Variants in ZNRF3 observed in about 807,000 individuals in gnomAD.
ZNRF3 encodes zinc and ring finger 3.
ZNRF3 carries 23 observed loss-of-function variants against 72.5 expected under a neutral mutation model. That is an observed-to-expected ratio of 0.32 (90% CI 0.23 to 0.45). The LOEUF (loss-of-function observed/expected upper bound fraction) is 0.45. ZNRF3 is among the 20% of genes least tolerant of loss of function. ZNRF3 has a pLI of 1.00. For missense variants in ZNRF3, 1,169 were observed against 1,272.1 expected (o/e 0.92, Z 1.23); for synonymous variants, 610 against 545.3 (o/e 1.12, Z -1.65).
intron 2 of ZNRF3, among the ~76,000 whole-genome samples, chr22:29,033,244 G>A (rs1001158300): frequency 3.9e-5 from 6 of 151,940 alleles, no homozygotes; most frequent in South Asian, 4.1e-4. Context: ...CCAACTACTC[G>A]GGAGGCTAAG....
intron 1 of ZNRF3, among the ~76,000 whole-genome samples, chr22:28,945,097 C>A (rs1254976448): frequency 6.7e-6 from 1 of 149,292 alleles, no homozygotes; most frequent in East Asian, 2.0e-4. Flanking sequence ...GTGGGTGGAT[C>A]ACTTGAGCTC....
chr22:29,010,936 T>C (rs2036337257), intron 2 of ZNRF3, among the ~76,000 whole-genome samples: 1 of 152,244 alleles, frequency 6.6e-6, no homozygotes, highest in South Asian at 2.1e-4. Flanking sequence ...CCCAGAGTGC[T>C]GGGATTACAG....
At chr22:28,995,529 G>A (rs78050747) in intron 2 of ZNRF3, among the ~76,000 whole-genome samples, 2,863 of 152,242 alleles carry the variant, frequency 0.019, 89 homozygotes, top group African/African-American at 0.065. Context: ...GTACTTAAAG[G>A]AAAAAGAACT....
At chr22:28,910,330 C>T (rs928623913) in intron 1 of ZNRF3, among the ~76,000 whole-genome samples, 3 of 152,188 alleles carry the variant, frequency 2.0e-5, no homozygotes, top group Non-Finnish European at 2.9e-5. Context: ...CATGAGCCAC[C>T]ATGCCCAGCC....
At chr22:28,923,681 C>G (rs987775154) in intron 1 of ZNRF3, among the ~76,000 whole-genome samples, 5 of 152,122 alleles carry the variant, frequency 3.3e-5, no homozygotes, top group African/African-American at 1.2e-4. Flanking sequence ...TGAAGCAAAG[C>G]CAGCCATATC....
At chr22:29,016,094 G>T (rs541873455) in intron 2 of ZNRF3, among the ~76,000 whole-genome samples, 2 of 151,474 alleles carry the variant, frequency 1.3e-5, no homozygotes, top group South Asian at 2.1e-4. Context: ...GAATAATGTT[G>T]CAAGAGATTA....
In ZNRF3 at chr22:29,003,513, C is replaced by CAA. The variant is rs796336147; in HGVS notation, c.426+16326_426+16327dup. Among the ~76,000 whole-genome samples, 86 of 103,220 alleles carry CAA rather than the reference C, an allele frequency of 8.3e-4. 1 individual carries two copies. The highest frequency in any genetic ancestry group is 2.0e-3 in the African/African-American group (58 of 29,194). The allele number at this position is 103,220 out of a possible 152,430, so 67.7% of individuals were successfully genotyped here. Reference sequence around the variant, plus strand: ...TGGGTGACAGAGCAAGACTCCGACTCAAAAAAAAAAAAAAAGAATCCATTT... The same window carrying CAA: ...TGGGTGACAGAGCAAGACTCCGACTCAAAAAAAAAAAAAAAAAGAATCCATTT... On this transcript the variant is annotated intron_variant, in intron 2 of 8. Transcript: ENST00000544604.
At chr22:28,938,070 A>G (rs933809332) in intron 1 of ZNRF3, among the ~76,000 whole-genome samples, 13 of 152,128 alleles carry the variant, frequency 8.5e-5, no homozygotes, top group African/African-American at 3.1e-4. Context: ...AAATACATGA[A>G]TGTATTTTCA....
intron 1 of ZNRF3, among the ~76,000 whole-genome samples, chr22:28,964,927 T>C (rs2035431815): frequency 1.3e-5 from 2 of 152,212 alleles, no homozygotes; most frequent in South Asian, 4.1e-4. Flanking sequence ...CAAAAGTGGC[T>C]TGTGATACCT....
intron 1 of ZNRF3, among the ~76,000 whole-genome samples, chr22:28,980,687 A>G (rs2035749478): frequency 6.6e-6 from 1 of 152,220 alleles, no homozygotes; most frequent in African/African-American, 2.4e-5. Context: ...ATTTTCTGTT[A>G]TATCCTTGCA....
At chr22:28,897,362 C>A (rs1028891325) in intron 1 of ZNRF3, among the ~76,000 whole-genome samples, 2 of 152,148 alleles carry the variant, frequency 1.3e-5, no homozygotes, top group African/African-American at 2.4e-5. Flanking sequence ...TGTCACCCAC[C>A]CAGGCTGGAG....
At chr22:28,970,680 A>C (rs895954258) in intron 1 of ZNRF3, among the ~76,000 whole-genome samples, 4 of 152,242 alleles carry the variant, frequency 2.6e-5, no homozygotes, top group African/African-American at 4.8e-5. Flanking sequence ...AATAAGCAGC[A>C]AAACACTGAC....
rs539380669 is a variant in ZNRF3, at chr22:28,897,775, A to G, written c.300+13709A>G. 7.2e-5 allele frequency among the ~76,000 whole-genome samples: 11 copies of G among 152,144 alleles called. No individual in the cohort carries two copies. In the South Asian group the frequency reaches 2.1e-3, roughly 29 times the overall value. On this transcript the variant is annotated intron_variant, in intron 1 of 8. Coordinates refer to ENST00000544604, the MANE Select transcript of ZNRF3 (RefSeq NM_001206998.2). Reference sequence around the variant, plus strand: ...CCCATGAAGCTTTTTCCTGGGTTCCACCAGTGTGTTCCTTTGAATCAGAGC... The same window carrying G: ...CCCATGAAGCTTTTTCCTGGGTTCCGCCAGTGTGTTCCTTTGAATCAGAGC...
At chr22:28,950,977 C>T (rs1204458012) in intron 1 of ZNRF3, among the ~76,000 whole-genome samples, 1 of 152,240 alleles carries the variant, frequency 6.6e-6, no homozygotes, top group Non-Finnish European at 1.5e-5. Context: ...TATCATTTTA[C>T]ACCTCATTTT....
At position 29,050,882 on chromosome 22, in the gene ZNRF3, AGGGCCAACTTCC is replaced by A. The variant is rs2037192805; in HGVS notation, c.2702_2713del (p.Arg901_Pro905delinsThr). On this transcript the variant is annotated inframe_deletion, in exon 8 of 9. Transcript: ENST00000544604. ...CCCTCCGGAGGAGGCGGGTGCTGTC[AGGGCCAACTTCC>A]CTAGTGCCCTCCAGGACACTCAGGA... 1 of 1,587,346 alleles carries A rather than the reference AGGGCCAACTTCC, an allele frequency of 6.3e-7. No individual in the cohort carries two copies.
chr22:28,919,360 G>A (rs2034468490), intron 1 of ZNRF3, among the ~76,000 whole-genome samples: 1 of 152,164 alleles, frequency 6.6e-6, no homozygotes, highest in South Asian at 2.1e-4. Flanking sequence ...ATTGGGTTAA[G>A]CACCCAACAT....
chr22:28,934,970 A>G (rs145616130), intron 1 of ZNRF3, among the ~76,000 whole-genome samples: 1 of 151,822 alleles, frequency 6.6e-6, no homozygotes, highest in Admixed American at 6.6e-5. Flanking sequence ...AAATGGGATT[A>G]TCCTATACAC....
chr22:29,005,345 G>A (rs469994), intron 2 of ZNRF3, among the ~76,000 whole-genome samples: 66,377 of 152,150 alleles, frequency 0.44, 14,820 homozygotes, highest in South Asian at 0.5. Context: ...CAGTCCTCAC[G>A]TGCCTACTTG....
At chr22:29,043,750 G>T (rs145174445) in intron 4 of ZNRF3, among the ~76,000 whole-genome samples, 7 of 152,238 alleles carry the variant, frequency 4.6e-5, no homozygotes, top group Non-Finnish European at 8.8e-5. Context: ...AACTGAGGAG[G>T]ATTGAAGGGA....
Sources: gnomAD v4.1 joint callset for allele counts (sites outside exome capture counted in the v4.1 genomes callset) on GRCh38, gnomAD v4.1.1 for gene constraint, MANE v1.5 for transcripts, NCBI Gene and HGNC (gene_info 2026-07-23, HGNC 2026-07-21) for gene names.